The following IQCJ variants were observed in gnomAD, a reference collection of about 807,000 sequenced individuals.
IQCJ encodes IQ domain-containing protein J.
In IQCJ, 9 loss-of-function variants were observed where a neutral mutation model predicts 11.0. The observed-to-expected ratio is 0.82, with a 90% confidence interval of 0.49 to 1.43. The LOEUF (loss-of-function observed/expected upper bound fraction) is 1.43. Ranked by LOEUF, IQCJ falls within the 40% of genes most tolerant of loss-of-function variation. The probability of loss-of-function intolerance (pLI) is 0.00; values close to 1 mark genes in which losing one functional copy is unlikely to be tolerated. For synonymous variants in IQCJ, 55 were observed against 51.3 expected (o/e 1.07, Z -0.31); for missense variants, 146 against 133.2 (o/e 1.10, Z -0.47).
At chr3:159,201,784 A>T (rs926525817) in intron 1 of IQCJ, among the ~76,000 whole-genome samples, 1 of 151,532 alleles carries the variant, frequency 6.6e-6, no homozygotes, top group Non-Finnish European at 1.5e-5. Context: ...ATGATTCTTA[A>T]TCTGCTTTTT....
In IQCJ at chr3:159,263,081, T is replaced by C. The variant is rs1728311235; in HGVS notation, c.*350T>C. On this transcript the variant is annotated 3_prime_UTR_variant, in exon 4 of 4. Transcript: ENST00000397832. ...GAAAGAGAACTTTTACCAGAAGAAT[T>C]GAAAGTGGTCACACACTCAGGGGTT... 2.1e-5 allele frequency: 21 copies of C among 997,208 alleles called. No homozygotes were observed. The highest frequency in any genetic ancestry group is 2.3e-5 in the Non-Finnish European group (19 of 836,714). 61.8% of individuals were successfully genotyped at this position (997,208 alleles called of 1,614,324 possible).
At chr3:159,076,493 G>T (rs2108049725) in intron 1 of IQCJ, among the ~76,000 whole-genome samples, 1 of 152,152 alleles carries the variant, frequency 6.6e-6, no homozygotes, top group East Asian at 1.9e-4. Context: ...TCATTCTGAA[G>T]TCTTGATTTT....
chr3:159,198,356 G>A (rs189161404), intron 1 of IQCJ, among the ~76,000 whole-genome samples: 2 of 152,242 alleles, frequency 1.3e-5, no homozygotes, highest in African/African-American at 4.8e-5. Context: ...TATATGCAAA[G>A]CATGCTGGTT....
chr3:159,181,215 C>T (rs1723072570), intron 1 of IQCJ, among the ~76,000 whole-genome samples: 1 of 151,584 alleles, frequency 6.6e-6, no homozygotes. Context: ...AGATTTCCTG[C>T]CTTCTTGGCA....
intron 1 of IQCJ, among the ~76,000 whole-genome samples, chr3:159,159,821 TACTC>T (rs1721733932): frequency 6.6e-6 from 1 of 151,870 alleles, no homozygotes; most frequent in Non-Finnish European, 1.5e-5. Flanking sequence ...CTCTCTATAT[TACTC>T]TCTCTCTCTC....
intron 1 of IQCJ, among the ~76,000 whole-genome samples, chr3:159,237,309 T>C (rs1477162898): frequency 6.6e-6 from 1 of 152,132 alleles, no homozygotes; most frequent in Non-Finnish European, 1.5e-5. Flanking sequence ...ACCAGAACAG[T>C]GTTTTATTAT....
chr3:159,246,020 T>C, intron 2 of IQCJ, 113 bp downstream of exon 2: 1 of 808,644 alleles, frequency 1.2e-6, no homozygotes, highest in Non-Finnish European at 1.9e-6. Context: ...ATGTTATCAT[T>C]GTGGTCAGAG....
chr3:159,253,514 C>T (rs1300197404), intron 3 of IQCJ, among the ~76,000 whole-genome samples: 1 of 151,952 alleles, frequency 6.6e-6, no homozygotes, highest in Admixed American at 6.6e-5. Context: ...TGACCGTTTT[C>T]CGAGATCTTT....
intron 1 of IQCJ, among the ~76,000 whole-genome samples, chr3:159,137,090 C>T (rs1248787713): frequency 6.6e-6 from 1 of 151,926 alleles, no homozygotes; most frequent in African/African-American, 2.4e-5. Flanking sequence ...GGTGAAACCC[C>T]ATCTCTACTA....
chr3:159,103,772 A>G (rs1432619267), intron 1 of IQCJ, among the ~76,000 whole-genome samples: 1 of 152,228 alleles, frequency 6.6e-6, no homozygotes, highest in African/African-American at 2.4e-5. Context: ...TCTCCTCTTT[A>G]TATCAGAAAG....
rs538708254 is a variant in IQCJ, at chr3:159,090,250, G to A, written c.9+20809G>A. 1.6e-4 allele frequency among the ~76,000 whole-genome samples: 25 copies of A among 151,824 alleles called. No individual in the cohort carries two copies. In the East Asian group the frequency reaches 4.1e-3, roughly 25 times the overall value. Reference sequence around the variant, plus strand: ...GCTGCTCGGGGGGTCAGGGGTCAGGGGTCAGGGACCCACTTAAGGAGGCAG... The same window carrying A: ...GCTGCTCGGGGGGTCAGGGGTCAGGAGTCAGGGACCCACTTAAGGAGGCAG... On this transcript the variant is annotated intron_variant, in intron 1 of 3. Coordinates refer to ENST00000397832, the MANE Select transcript of IQCJ (RefSeq NM_001042706.3).
At chr3:159,173,418 G>A (rs544983851) in intron 1 of IQCJ, among the ~76,000 whole-genome samples, 83 of 152,234 alleles carry the variant, frequency 5.5e-4, no homozygotes, top group African/African-American at 1.9e-3. Context: ...TAGTAGAAAC[G>A]TGTTGATTTA....
intron 1 of IQCJ, among the ~76,000 whole-genome samples, chr3:159,231,263 A>G (rs140549825): frequency 6.6e-6 from 1 of 152,332 alleles, no homozygotes; most frequent in East Asian, 1.9e-4. Context: ...GCTTACATCA[A>G]ATGAGGAAAC....
At chr3:159,137,646 T>C (rs1720373044) in intron 1 of IQCJ, among the ~76,000 whole-genome samples, 1 of 152,228 alleles carries the variant, frequency 6.6e-6, no homozygotes, top group African/African-American at 2.4e-5. Context: ...GACTTTCTTA[T>C]TTAAGTATCA....
At chr3:159,091,799 T>G (rs537583848) in intron 1 of IQCJ, among the ~76,000 whole-genome samples, 1 of 151,656 alleles carries the variant, frequency 6.6e-6, no homozygotes, top group African/African-American at 2.4e-5. Flanking sequence ...TTGTAACTTT[T>G]TAATAAAAAT....
At chr3:159,112,921 A>G (rs1044665017) in intron 1 of IQCJ, among the ~76,000 whole-genome samples, 6 of 152,218 alleles carry the variant, frequency 3.9e-5, no homozygotes, top group African/African-American at 9.7e-5. Context: ...GACATGGTCA[A>G]CTAGCCCCAA....
Position 159,110,551 on chromosome 3 carries a change from T to A in IQCJ, c.9+41110T>A, listed in dbSNP as rs558159809. Among the ~76,000 whole-genome samples the A allele has an allele frequency of 5.3e-5, 8 of 152,280 alleles. No homozygotes were observed. In the South Asian group the frequency reaches 1.0e-3, roughly 20 times the overall value. ...CCTCTTTAATGCTCCTTCTTCACCT[T>A]TTACTTGATTATTCTGTGGCCTTAC... On this transcript the variant is annotated intron_variant, in intron 1 of 3. Coordinates refer to ENST00000397832, the MANE Select transcript of IQCJ (RefSeq NM_001042706.3).
downstream of IQCJ, chr3:159,266,155 A>G (rs1159645935): frequency 6.6e-6 from 1 of 152,236 alleles, no homozygotes; most frequent in Admixed American, 6.5e-5. Context: ...TTTACAGGTG[A>G]TGAAAAAGAG....
chr3:159,208,035 T>C (rs1451068368), intron 1 of IQCJ, among the ~76,000 whole-genome samples: 1 of 152,156 alleles, frequency 6.6e-6, no homozygotes, highest in Non-Finnish European at 1.5e-5. Context: ...AGATAATGAA[T>C]GTGCATTTGC....
Sources: allele counts gnomAD v4.1 joint callset (sites outside exome capture counted in the v4.1 genomes callset), GRCh38; gene constraint gnomAD v4.1.1; transcripts MANE v1.5; gene names NCBI Gene and HGNC (gene_info 2026-07-23, HGNC 2026-07-21).